NMNAT2: variants seen among roughly 807,000 people sequenced by gnomAD.
The protein encoded by NMNAT2 is nicotinamide/nicotinic acid mononucleotide adenylyltransferase 2.
NMNAT2 carries 11 observed loss-of-function variants against 41.6 expected under a neutral mutation model. The ratio of observed to expected loss-of-function variants is 0.26; its 90% CI spans 0.17 to 0.44. The LOEUF is 0.44. NMNAT2 is among the 20% of genes least tolerant of loss of function. The pLI, the probability that NMNAT2 is intolerant of heterozygous loss-of-function variation, is 1.00. For missense variants in NMNAT2, 288 were observed against 407.7 expected (o/e 0.71, Z 2.53); for synonymous variants, 148 against 151.2 (o/e 0.98, Z 0.16).
chr1:183,259,935 T>A (rs1414004050), intron 10 of NMNAT2, among the ~76,000 whole-genome samples: 1 of 152,218 alleles, frequency 6.6e-6, no homozygotes, highest in African/African-American at 2.4e-5. Flanking sequence ...ACTTACGTGT[T>A]CGTGGCTTTC....
At chr1:183,396,185 T>C (rs886624101) in intron 1 of NMNAT2, among the ~76,000 whole-genome samples, 1 of 152,148 alleles carries the variant, frequency 6.6e-6, no homozygotes, top group African/African-American at 2.4e-5. Context: ...TGTCTCTGAA[T>C]TGTCACAGCC....
At chr1:183,358,550 T>C (rs188832174) in intron 1 of NMNAT2, among the ~76,000 whole-genome samples, 8 of 152,214 alleles carry the variant, frequency 5.3e-5, no homozygotes, top group African/African-American at 1.9e-4. Flanking sequence ...GGTGAAAACA[T>C]TGCAGGTGTG....
At chr1:183,267,362 C>T (rs960819320) in intron 8 of NMNAT2, 2 of 152,216 alleles carry the variant, frequency 1.3e-5, no homozygotes, top group African/African-American at 4.8e-5. Context: ...ATTCCCCAGA[C>T]CTCACCTGAG....
chr1:183,370,876 T>C (rs1190028475), intron 1 of NMNAT2, among the ~76,000 whole-genome samples: 1 of 152,200 alleles, frequency 6.6e-6, no homozygotes, highest in Admixed American at 6.5e-5. Context: ...CTGTCCGGTG[T>C]GCTTTCCCAC....
chr1:183,319,782 T>G (rs1662323019), intron 1 of NMNAT2, among the ~76,000 whole-genome samples: 1 of 152,228 alleles, frequency 6.6e-6, no homozygotes, highest in Non-Finnish European at 1.5e-5. Context: ...TTGGGGAACT[T>G]CCATAGCTGT....
At position 183,250,833 on chromosome 1, in the gene NMNAT2, T is replaced by C. The variant is rs1466161228; in HGVS notation, c.*1808A>G. On this transcript the variant is annotated 3_prime_UTR_variant, in exon 11 of 11. Transcript: ENST00000287713. Reference sequence around the variant, plus strand: ...TGTTCTTCTGTTAAATCAAGTTCCTTTTCCCGCAATTGAAGGATGTTGCAG... The same window carrying C: ...TGTTCTTCTGTTAAATCAAGTTCCTCTTCCCGCAATTGAAGGATGTTGCAG... 2 of 152,646 alleles carry C rather than the reference T, an allele frequency of 1.3e-5. No individual in the cohort carries two copies. The highest frequency in any genetic ancestry group is 4.8e-5 in the African/African-American group (2 of 41,434). The allele number at this position is 152,646 out of a possible 1,614,324, so 9.5% of individuals were successfully genotyped here. A position where few individuals can be genotyped will look rare whatever the true frequency, so the allele number is the denominator to read the frequency against.
intron 1 of NMNAT2, among the ~76,000 whole-genome samples, chr1:183,332,974 G>A (rs1662615397): frequency 6.6e-6 from 1 of 152,192 alleles, no homozygotes; most frequent in Non-Finnish European, 1.5e-5. Context: ...ATGATCTTAG[G>A]ATGGCCTTAT....
At chr1:183,390,486 TG>T (rs1648447552) in intron 1 of NMNAT2, among the ~76,000 whole-genome samples, 2 of 152,178 alleles carry the variant, frequency 1.3e-5, no homozygotes, top group African/African-American at 2.4e-5. Context: ...ACATCATAAT[TG>T]TCTCACATAT....
At chr1:183,394,870 T>C (rs1648588917) in intron 1 of NMNAT2, among the ~76,000 whole-genome samples, 1 of 152,192 alleles carries the variant, frequency 6.6e-6, no homozygotes, top group Non-Finnish European at 1.5e-5. Flanking sequence ...AAACTGTCCT[T>C]GGCAGGAGGC....
chr1:183,266,910 A>T (rs973219932), intron 8 of NMNAT2: 1 of 163,964 alleles, frequency 6.1e-6, no homozygotes, highest in Non-Finnish European at 1.3e-5. Flanking sequence ...TGCTTCATCT[A>T]TTCTGCGTTG....
chr1:183,352,955 G>T (rs1259155361), intron 1 of NMNAT2, among the ~76,000 whole-genome samples: 1 of 152,204 alleles, frequency 6.6e-6, no homozygotes, highest in African/African-American at 2.4e-5. Flanking sequence ...AAATGGGCAA[G>T]GGAATATGAA....
At chr1:183,286,323 C>A (rs540626979) in intron 5 of NMNAT2, among the ~76,000 whole-genome samples, 1 of 152,248 alleles carries the variant, frequency 6.6e-6, no homozygotes, top group Non-Finnish European at 1.5e-5. Flanking sequence ...AACTCCTGGG[C>A]TCAAGCCATC....
intron 1 of NMNAT2, among the ~76,000 whole-genome samples, chr1:183,297,416 C>T (rs1661731512): frequency 6.8e-6 from 1 of 147,132 alleles, no homozygotes; most frequent in South Asian, 2.1e-4. Context: ...GAGTTTCGCT[C>T]TTGTTGCCCA....
intron 1 of NMNAT2, among the ~76,000 whole-genome samples, chr1:183,415,155 T>C (rs1649219990): frequency 2.6e-5 from 4 of 152,152 alleles, no homozygotes; most frequent in Non-Finnish European, 4.4e-5. Flanking sequence ...CTAATTTTTA[T>C]ATTTTTTGTA....
At chr1:183,353,843 T>C (rs561490752) in intron 1 of NMNAT2, among the ~76,000 whole-genome samples, 116 of 152,180 alleles carry the variant, frequency 7.6e-4, no homozygotes, top group African/African-American at 2.7e-3. Flanking sequence ...TTGTGGCTCA[T>C]GACCTACTTC....
At chr1:183,283,728 T>C in intron 7 of NMNAT2, 1 of 481,916 alleles carries the variant, frequency 2.1e-6, no homozygotes, top group Non-Finnish European at 3.8e-6. Flanking sequence ...TTCATGTTTT[T>C]TAGAGGAGGG....
chr1:183,374,227 A>G (rs2485932), intron 1 of NMNAT2, among the ~76,000 whole-genome samples: 80,537 of 152,050 alleles, frequency 0.53, 22,100 homozygotes, highest in East Asian at 0.65. Context: ...AAGAAGAATT[A>G]CCAACAGATA....
chr1:183,267,959 A>G (rs1230768102), intron 8 of NMNAT2, among the ~76,000 whole-genome samples: 1 of 152,152 alleles, frequency 6.6e-6, no homozygotes, highest in Non-Finnish European at 1.5e-5. Flanking sequence ...GTCGAGCCTC[A>G]GAGGTGGGGG....
intron 1 of NMNAT2, among the ~76,000 whole-genome samples, chr1:183,367,794 T>G (rs546848345): frequency 6.6e-6 from 1 of 152,302 alleles, no homozygotes; most frequent in East Asian, 1.9e-4. Context: ...AGATAAAAAT[T>G]AAATGAAGAT....
Sources: allele counts gnomAD v4.1 joint callset (sites outside exome capture counted in the v4.1 genomes callset), GRCh38; gene constraint gnomAD v4.1.1; transcripts MANE v1.5; gene names NCBI Gene and HGNC (gene_info 2026-07-23, HGNC 2026-07-21).